Variants in VPS13B observed in about 807,000 individuals in gnomAD.
VPS13B encodes the protein vacuolar protein sorting 13 homolog B, also known as intermembrane lipid transfer protein VPS13B.
Under a neutral mutation model 426.4 loss-of-function variants are expected in VPS13B, and 285 were observed. The ratio of observed to expected loss-of-function variants is 0.67; its 90% CI spans 0.61 to 0.74. The LOEUF is 0.74. VPS13B is among the 30% of genes least tolerant of loss of function. The probability of loss-of-function intolerance (pLI) is 0.00; values close to 1 mark genes in which losing one functional copy is unlikely to be tolerated. For synonymous variants in VPS13B, 1,676 were observed against 1,676.4 expected, an observed-to-expected ratio of 1.00 and a Z score of 0.01; for missense variants, 4,537 against 4,782.6, an observed-to-expected ratio of 0.95 and a Z score of 1.51.
chr8:99,852,104 C>A (rs1267366104), intron 55 of VPS13B, among the ~76,000 whole-genome samples: 1 of 152,114 alleles, frequency 6.6e-6, no homozygotes, highest in Non-Finnish European at 1.5e-5. Flanking sequence ...AAAATAGAGG[C>A]ATCAAGGATG....
chr8:99,446,356 A>G (rs867829182), intron 23 of VPS13B, among the ~76,000 whole-genome samples: 23 of 152,196 alleles, frequency 1.5e-4, no homozygotes, highest in African/African-American at 4.8e-4. Flanking sequence ...AGGAGGTACA[A>G]TGTCATTTCA....
intron 17 of VPS13B, among the ~76,000 whole-genome samples, chr8:99,239,418 G>A (rs1816803712): frequency 6.6e-6 from 1 of 152,052 alleles, no homozygotes; most frequent in African/African-American, 2.4e-5. Flanking sequence ...GTTACATGTG[G>A]TTTTGTTTAT....
chr8:99,155,187 G>A (rs181856341), intron 14 of VPS13B, among the ~76,000 whole-genome samples: 99 of 152,050 alleles, frequency 6.5e-4, no homozygotes, highest in African/African-American at 2.2e-3. Flanking sequence ...AGATAGCATG[G>A]CTATTTTACT....
rs889161583 is a variant in VPS13B, at chr8:99,174,416, T to G, written c.2333+4253T>G. The stretch of plus-strand genomic sequence containing the variant: ...ACTGATTTTCACACCACTTGACACC[T>G]GCAACAGTGATGGAAAAAGGTTCCA... On this transcript the variant is annotated intron_variant, in intron 16 of 61. Coordinates refer to ENST00000357162, the MANE Select transcript of VPS13B (RefSeq NM_152564.5). 2.0e-5 allele frequency among the ~76,000 whole-genome samples: 3 copies of G among 152,186 alleles called. No individual in the cohort carries two copies. The South Asian group carries it at 6.2e-4, about 31-fold the overall frequency.
At chr8:99,270,131 C>CTTGTTTTTTTTTTTTTTTTT (rs1818502967) in intron 17 of VPS13B, among the ~76,000 whole-genome samples, 1 of 30,312 alleles carries the variant, frequency 3.3e-5, no homozygotes, top group African/African-American at 1.1e-4. Context: ...ATATAAGAAT[C>CTTGTTTTTTTTTTTTTTTTT]TTTTTTTTTT....
intron 21 of VPS13B, among the ~76,000 whole-genome samples, chr8:99,397,263 A>C (rs1814781703): frequency 3.3e-5 from 5 of 152,124 alleles, no homozygotes. Flanking sequence ...CTCCTGCCTC[A>C]GCCTCTTGAG....
chr8:99,210,397 C>T (rs1007827409), intron 17 of VPS13B, among the ~76,000 whole-genome samples: 8 of 152,148 alleles, frequency 5.3e-5, no homozygotes, highest in Non-Finnish European at 1.0e-4. Flanking sequence ...CTGTGGCACT[C>T]TGCAGTATCC....
intron 39 of VPS13B, among the ~76,000 whole-genome samples, chr8:99,755,597 C>G (rs1212953613): frequency 1.3e-5 from 2 of 152,010 alleles, no homozygotes; most frequent in Non-Finnish European, 2.9e-5. Context: ...TGGTGAAACC[C>G]CATCTCTACT....
intron 35 of VPS13B, among the ~76,000 whole-genome samples, chr8:99,668,593 C>T (rs1830579984): frequency 6.6e-6 from 1 of 152,002 alleles, no homozygotes; most frequent in South Asian, 2.1e-4. Flanking sequence ...CTTCTGTTCA[C>T]CTAATGGTAC....
intron 22 of VPS13B, among the ~76,000 whole-genome samples, chr8:99,435,668 C>G (rs1817331263): frequency 6.6e-6 from 1 of 152,078 alleles, no homozygotes; most frequent in African/African-American, 2.4e-5. Flanking sequence ...GCCAAGTAGA[C>G]AGTGATTCCT....
chr8:99,736,444 C>T lies in VPS13B; in HGVS notation c.7050+15397C>T, dbSNP rs983136675. 4.6e-5 allele frequency among the ~76,000 whole-genome samples: 7 copies of T among 152,126 alleles called. No homozygotes were observed. In the East Asian group the frequency reaches 7.7e-4, roughly 17 times the overall value. ...GAAAAGTTAGCTGGGTGTGGTGGCA[C>T]GTGCCTGTAGTCCCAGTTACTCAGG... On this transcript the variant is annotated intron_variant, in intron 39 of 61. Transcript: ENST00000357162.
At chr8:99,228,744 T>A (rs1489031982) in intron 17 of VPS13B, among the ~76,000 whole-genome samples, 1 of 152,128 alleles carries the variant, frequency 6.6e-6, no homozygotes, top group Non-Finnish European at 1.5e-5. Flanking sequence ...GCGAAGAAGG[T>A]ACAGATTGCG....
At chr8:99,101,931 T>C (rs11987308) in intron 4 of VPS13B, among the ~76,000 whole-genome samples, 8,314 of 152,320 alleles carry the variant, frequency 0.055, 267 homozygotes, top group African/African-American at 0.089. Context: ...TAGTTTTCTT[T>C]AATAGTGGAA....
chr8:99,353,031 G>A (rs1230092729), intron 19 of VPS13B, among the ~76,000 whole-genome samples: 1 of 151,550 alleles, frequency 6.6e-6, no homozygotes, highest in African/African-American at 2.4e-5. Flanking sequence ...ACCCAGGCTG[G>A]AGTGCAGTGT....
At chr8:99,255,557 C>G (rs576092491) in intron 17 of VPS13B, among the ~76,000 whole-genome samples, 1 of 152,314 alleles carries the variant, frequency 6.6e-6, no homozygotes, top group South Asian at 2.1e-4. Flanking sequence ...CATGCCTCCA[C>G]TTATTACTGC....
intron 33 of VPS13B, among the ~76,000 whole-genome samples, chr8:99,593,453 CT>C (rs1444718732): frequency 1.2e-4 from 19 of 152,054 alleles, no homozygotes; most frequent in Admixed American, 5.2e-4. Flanking sequence ...TGCTTTTACA[CT>C]GTTGAGTGGG....
At chr8:99,784,624 T>G in intron 43 of VPS13B, 148 bp downstream of exon 43, 1 of 1,093,110 alleles carries the variant, frequency 9.1e-7, no homozygotes, top group Non-Finnish European at 1.4e-6. Context: ...CCAAGAGTGT[T>G]TAGAGATGGG....
At chr8:99,666,650 G>A (rs1177058347) in intron 35 of VPS13B, among the ~76,000 whole-genome samples, 1 of 152,116 alleles carries the variant, frequency 6.6e-6, no homozygotes, top group African/African-American at 2.4e-5. Flanking sequence ...GTATTGATGG[G>A]TCATATCTCA....
chr8:99,714,549 G>C (rs567561215), intron 36 of VPS13B, among the ~76,000 whole-genome samples: 1 of 152,234 alleles, frequency 6.6e-6, no homozygotes, highest in Non-Finnish European at 1.5e-5. Context: ...TTTACAAGGG[G>C]AAAGTGTTAA....
Sources: allele counts gnomAD v4.1 joint callset (sites outside exome capture counted in the v4.1 genomes callset), GRCh38; gene constraint gnomAD v4.1.1; transcripts MANE v1.5; gene names NCBI Gene and HGNC (gene_info 2026-07-23, HGNC 2026-07-21).